DIAPH2: variants seen among roughly 807,000 people sequenced by gnomAD.
DIAPH2 encodes the protein diaphanous related formin 2.
A neutral mutation model predicts 92.7 loss-of-function variants in DIAPH2; 35 were observed. The ratio of observed to expected loss-of-function variants is 0.38; its 90% CI spans 0.29 to 0.50. The LOEUF (loss-of-function observed/expected upper bound fraction) is 0.50, where lower values mean the gene tolerates loss of function less well. Among genes scored for constraint, DIAPH2 ranks in the 20% least tolerant of loss-of-function variants. The pLI, the probability that DIAPH2 is intolerant of heterozygous loss-of-function variation, is 0.94. For synonymous variants in DIAPH2, 301 were observed against 280.4 expected, an observed-to-expected ratio of 1.07 and a Z score of -0.73; for missense variants, 701 against 819.5, an observed-to-expected ratio of 0.86 and a Z score of 1.77.
chrX:97,082,457 TAAA>T (rs781034055), intron 19 of DIAPH2, among the ~76,000 whole-genome samples: 1 of 85,782 alleles, frequency 1.2e-5, no homozygotes. Flanking sequence ...CCGACTCTAC[TAAA>T]AAAAAAAAAA....
At chrX:96,929,756 C>T (rs188250288) in intron 9 of DIAPH2, among the ~76,000 whole-genome samples, 5 of 109,837 alleles carry the variant, frequency 4.6e-5, no homozygotes, top group East Asian at 2.8e-4. Flanking sequence ...TGTTTTTTTC[C>T]GAGGATTCCC....
At chrX:97,525,105 A>G (rs1034294523) in intron 26 of DIAPH2, among the ~76,000 whole-genome samples, 2 of 112,157 alleles carry the variant, frequency 1.8e-5, no homozygotes, top group South Asian at 3.8e-4. Flanking sequence ...TTCCTTCTCT[A>G]TAAATCTCCA....
chrX:97,521,318 A>C (rs1021665954), intron 26 of DIAPH2, among the ~76,000 whole-genome samples: 1 of 112,305 alleles, frequency 8.9e-6, no homozygotes, highest in Non-Finnish European at 1.9e-5. Context: ...AGACAATTGC[A>C]TTTATGGAAT....
chrX:97,212,067 A>G (rs954976662), intron 22 of DIAPH2, among the ~76,000 whole-genome samples: 9 of 111,971 alleles, frequency 8.0e-5, no homozygotes, highest in African/African-American at 2.9e-4. Flanking sequence ...TTCAATATGT[A>G]TTTTGCTAAT....
chrX:97,052,319 C>G (rs1365896281), intron 17 of DIAPH2, among the ~76,000 whole-genome samples: 1 of 110,713 alleles, frequency 9.0e-6, no homozygotes, highest in Admixed American at 9.7e-5. Context: ...ATATTGAAAA[C>G]CCTGGTGCTT....
At chrX:97,109,352 G>A (rs1380945947) in intron 20 of DIAPH2, among the ~76,000 whole-genome samples, 2 of 111,417 alleles carry the variant, frequency 1.8e-5, no homozygotes, top group East Asian at 5.6e-4. Context: ...GCCCCGGGAA[G>A]TCAAGGTTGC....
At chrX:97,377,287 A>G (rs940994846) in intron 24 of DIAPH2, among the ~76,000 whole-genome samples, 1 of 112,582 alleles carries the variant, frequency 8.9e-6, no homozygotes, top group Non-Finnish European at 1.9e-5. Context: ...TACGTAAACC[A>G]GTAACATAGT....
chrX:97,382,841 A>G (rs748357882), intron 24 of DIAPH2, among the ~76,000 whole-genome samples: 23 of 112,633 alleles, frequency 2.0e-4, no homozygotes, highest in African/African-American at 7.1e-4. Context: ...AATTATTTCA[A>G]TATAAACCCC....
At chrX:97,514,926 G>A (rs1263447596) in intron 26 of DIAPH2, among the ~76,000 whole-genome samples, 1 of 111,120 alleles carries the variant, frequency 9.0e-6, no homozygotes, top group Non-Finnish European at 1.9e-5. Context: ...TGTCAGACAG[G>A]GACATTTAAG....
chrX:96,744,932 G>A (rs916548075), intron 3 of DIAPH2, among the ~76,000 whole-genome samples: 2 of 110,041 alleles, frequency 1.8e-5, no homozygotes, highest in Non-Finnish European at 3.8e-5. Context: ...TGACTTTAGA[G>A]AACTACAAAG....
chrX:97,539,473 G>A (rs941074869), intron 26 of DIAPH2, among the ~76,000 whole-genome samples: 1 of 111,764 alleles, frequency 8.9e-6, no homozygotes, highest in Non-Finnish European at 1.9e-5. Context: ...ATTGGAATTC[G>A]CTTGAGTTTC....
chrX:97,546,085 A>G (rs943779600), intron 26 of DIAPH2, among the ~76,000 whole-genome samples: 1 of 110,916 alleles, frequency 9.0e-6, no homozygotes, highest in Admixed American at 9.6e-5. Context: ...AATCATAGGA[A>G]AATTCAGTAC....
At chrX:97,560,679 G>A (rs1168812223) in intron 26 of DIAPH2, among the ~76,000 whole-genome samples, 1 of 112,006 alleles carries the variant, frequency 8.9e-6, no homozygotes, top group African/African-American at 3.2e-5. Flanking sequence ...TTTTAGTAGA[G>A]ACGAGGTTTC....
intron 5 of DIAPH2, among the ~76,000 whole-genome samples, chrX:96,902,712 T>A (rs959077523): frequency 1.8e-5 from 2 of 111,244 alleles, no homozygotes; most frequent in African/African-American, 3.3e-5. Flanking sequence ...TTAACCATGG[T>A]TAAGAATGTA....
chrX:96,754,691 G>A (rs758910501), intron 3 of DIAPH2, among the ~76,000 whole-genome samples: 7 of 109,547 alleles, frequency 6.4e-5, no homozygotes, highest in Non-Finnish European at 5.7e-5. Context: ...TTGGGAGGCC[G>A]AGGCGGGTGG....
intron 26 of DIAPH2, among the ~76,000 whole-genome samples, chrX:97,486,815 C>T (rs2070691968): frequency 1.8e-5 from 2 of 109,032 alleles, no homozygotes; most frequent in Admixed American, 9.8e-5. Flanking sequence ...TCTTTAAGTG[C>T]ACAATACAAT....
At chrX:97,416,941 A>T (rs1462456953) in intron 25 of DIAPH2, among the ~76,000 whole-genome samples, 1 of 112,365 alleles carries the variant, frequency 8.9e-6, no homozygotes, top group Non-Finnish European at 1.9e-5. Flanking sequence ...AGGGGAAGTG[A>T]GTGGTGCCAC....
At chrX:96,949,269 A>C (rs1169467726) in intron 15 of DIAPH2, among the ~76,000 whole-genome samples, 2 of 111,536 alleles carry the variant, frequency 1.8e-5, no homozygotes, top group East Asian at 5.6e-4. Context: ...TTTTAATAGA[A>C]TATATTACAC....
chrX:96,938,882 G>C (rs780033179), intron 11 of DIAPH2, among the ~76,000 whole-genome samples: 1 of 111,983 alleles, frequency 8.9e-6, no homozygotes, highest in South Asian at 3.7e-4. Flanking sequence ...TGAAAATAGA[G>C]TAGTAGTGAT....
Sources: allele counts gnomAD v4.1 joint callset (sites outside exome capture counted in the v4.1 genomes callset), GRCh38; gene constraint gnomAD v4.1.1; transcripts MANE v1.5; gene names NCBI Gene and HGNC (gene_info 2026-07-23, HGNC 2026-07-21).